TLE1: variants seen among roughly 807,000 people sequenced by gnomAD.
TLE1 encodes TLE family member 1, transcriptional corepressor, also known as transducin-like enhancer protein 1.
TLE1 carries 21 observed loss-of-function variants against 89.8 expected under a neutral mutation model. The observed-to-expected ratio is 0.23, with a 90% CI of 0.17 to 0.34. The LOEUF is 0.34. Among genes scored for constraint, TLE1 ranks in the 10% least tolerant of loss-of-function variants. TLE1 has a pLI of 1.00. For missense variants in TLE1, 795 were observed against 1,031.2 expected (o/e 0.77, Z 3.14); for synonymous variants, 447 against 407.6 (o/e 1.10, Z -1.16).
intron 6 of TLE1, among the ~76,000 whole-genome samples, chr9:81,640,550 A>G (rs1265620266): frequency 1.3e-5 from 2 of 152,196 alleles, no homozygotes; most frequent in Non-Finnish European, 2.9e-5. Flanking sequence ...AACCAAAATC[A>G]TTTGAATAGG....
chr9:81,648,222 G>A (rs1017372549), intron 6 of TLE1, among the ~76,000 whole-genome samples: 14 of 142,954 alleles, frequency 9.8e-5, no homozygotes, highest in African/African-American at 3.7e-4. Context: ...GCAGTGAGCC[G>A]AGATCACACC....
At chr9:81,650,024 A>C (rs1829348912) in intron 6 of TLE1, among the ~76,000 whole-genome samples, 1 of 152,214 alleles carries the variant, frequency 6.6e-6, no homozygotes, top group Non-Finnish European at 1.5e-5. Context: ...AGTATGCCCA[A>C]GACACACAAT....
intron 4 of TLE1, among the ~76,000 whole-genome samples, chr9:81,657,904 ATT>A (rs34624864): frequency 2.3e-4 from 31 of 133,972 alleles, no homozygotes; most frequent in East Asian, 1.3e-3. Flanking sequence ...TACAGACATA[ATT>A]TTTTTTTTTT....
At chr9:81,655,405 C>T (rs576686508) in intron 4 of TLE1, among the ~76,000 whole-genome samples, 1 of 152,018 alleles carries the variant, frequency 6.6e-6, no homozygotes, top group African/African-American at 2.4e-5. Flanking sequence ...CTTTGCTCCG[C>T]TCCACATCCA....
At chr9:81,625,562 A>T (rs576408741) in intron 8 of TLE1, among the ~76,000 whole-genome samples, 1 of 145,388 alleles carries the variant, frequency 6.9e-6, no homozygotes, top group African/African-American at 2.6e-5. Flanking sequence ...AAAATAAAAC[A>T]AAACTAAACA....
chr9:81,623,616 TTAAAAAAAA>T (rs1490034671), intron 8 of TLE1, among the ~76,000 whole-genome samples: 5 of 84,394 alleles, frequency 5.9e-5, no homozygotes, highest in Non-Finnish European at 1.0e-4. Context: ...CCATCTGTAC[TTAAAAAAAA>T]AAAAAAAAAA....
At chr9:81,652,134 C>T (rs1336349255) in intron 6 of TLE1, 80 bp downstream of exon 6, 3 of 1,392,262 alleles carry the variant, frequency 2.2e-6, no homozygotes, top group South Asian at 2.4e-5. Flanking sequence ...CACACACACA[C>T]ACACGTAAAG....
At chr9:81,586,103 C>T (rs936220541) in intron 17 of TLE1, among the ~76,000 whole-genome samples, 7 of 151,520 alleles carry the variant, frequency 4.6e-5, no homozygotes, top group East Asian at 3.9e-4. Flanking sequence ...CTGCAAGCTC[C>T]GCCTCTTGGG....
At chr9:81,649,820 A>AT (rs1485246704) in intron 6 of TLE1, among the ~76,000 whole-genome samples, 1 of 152,170 alleles carries the variant, frequency 6.6e-6, no homozygotes, top group African/African-American at 2.4e-5. Context: ...GGTCCACTGA[A>AT]TTGTCAACCC....
intron 14 of TLE1, among the ~76,000 whole-genome samples, 197 bp from the exon 15 acceptor site, chr9:81,593,471 G>A (rs984535299): frequency 4.6e-5 from 7 of 152,118 alleles, no homozygotes; most frequent in Non-Finnish European, 8.8e-5. Flanking sequence ...GAAATCTAGC[G>A]TGTACCAAAT....
intron 4 of TLE1, among the ~76,000 whole-genome samples, chr9:81,667,805 T>C (rs549665462): frequency 6.0e-4 from 92 of 152,172 alleles, no homozygotes; most frequent in Non-Finnish European, 2.6e-4. Context: ...TGGAATTATG[T>C]TTTTAATCAA....
intron 4 of TLE1, among the ~76,000 whole-genome samples, chr9:81,681,849 A>G (rs903074899): frequency 1.3e-5 from 2 of 152,174 alleles, no homozygotes; most frequent in African/African-American, 4.8e-5. Context: ...CATGTCTTAC[A>G]AATCATGAAG....
chr9:81,633,255 T>C (rs1826906623), intron 8 of TLE1, 93 bp downstream of exon 8: 1 of 1,596,966 alleles, frequency 6.3e-7, no homozygotes, highest in African/African-American at 1.3e-5. Flanking sequence ...TGTCTGTCTG[T>C]GCCTGTGTGG....
At chr9:81,623,001 C>T (rs944252482) in intron 8 of TLE1, among the ~76,000 whole-genome samples, 2 of 152,150 alleles carry the variant, frequency 1.3e-5, no homozygotes, top group Admixed American at 6.5e-5. Context: ...TATAATTGCC[C>T]CTGACTTCTT....
chr9:81,648,334 A>G (rs969213859), intron 6 of TLE1, among the ~76,000 whole-genome samples: 5 of 152,252 alleles, frequency 3.3e-5, no homozygotes, highest in East Asian at 1.9e-4. Context: ...AAGAAAGAAA[A>G]AAAAAAGCAA....
intron 14 of TLE1, among the ~76,000 whole-genome samples, chr9:81,595,814 C>CAAAAAAAA (rs11301991): frequency 9.4e-6 from 1 of 106,660 alleles, no homozygotes; most frequent in Non-Finnish European, 1.9e-5. Context: ...GACTCTGTCT[C>CAAAAAAAA]AAAAAAAAAA....
chr9:81,631,552 A>G (rs536110854), intron 8 of TLE1, among the ~76,000 whole-genome samples: 1 of 152,338 alleles, frequency 6.6e-6, no homozygotes, highest in Non-Finnish European at 1.5e-5. Flanking sequence ...GCTTTGTTGC[A>G]TGCTTACATA....
At chr9:81,686,817 G>A (rs1216393874) in intron 2 of TLE1, among the ~76,000 whole-genome samples, 1 of 152,166 alleles carries the variant, frequency 6.6e-6, no homozygotes, top group Non-Finnish European at 1.5e-5. Context: ...CGCCAAAGCA[G>A]GTGAGCTTTC....
At chr9:81,660,977 AC>A (rs140915503) in intron 4 of TLE1, among the ~76,000 whole-genome samples, 955 of 65,180 alleles carry the variant, frequency 0.015, 33 homozygotes, top group Middle Eastern at 0.057. Flanking sequence ...ACACACACAC[AC>A]ATTTAGCCTG....
Sources: gnomAD v4.1 joint callset for allele counts (sites outside exome capture counted in the v4.1 genomes callset) on GRCh38, gnomAD v4.1.1 for gene constraint, MANE v1.5 for transcripts, NCBI Gene and HGNC (gene_info 2026-07-23, HGNC 2026-07-21) for gene names.